VAT1L: variants seen among roughly 807,000 people sequenced by gnomAD.
The protein encoded by VAT1L is putative NADPH-dependent quinone oxidoreductase VAT1L.
Under a neutral mutation model 44.1 loss-of-function variants are expected in VAT1L, and 34 were observed. The observed-to-expected ratio is 0.77, with a 90% CI of 0.59 to 1.03. The LOEUF (loss-of-function observed/expected upper bound fraction) is 1.03. VAT1L is among the 50% of genes least tolerant of loss of function. The pLI, the probability that VAT1L is intolerant of heterozygous loss-of-function variation, is 0.00. For missense variants in VAT1L, 615 were observed against 538.8 expected (o/e 1.14, Z -1.40); for synonymous variants, 253 against 202.2 (o/e 1.25, Z -2.13).
At chr16:77,905,048 C>T (rs2017424562) in intron 7 of VAT1L, among the ~76,000 whole-genome samples, 1 of 152,104 alleles carries the variant, frequency 6.6e-6, no homozygotes, top group Non-Finnish European at 1.5e-5. Context: ...GAGAGAGGTT[C>T]CTAGGAAATA....
intron 3 of VAT1L, among the ~76,000 whole-genome samples, chr16:77,837,867 T>C (rs1275662874): frequency 2.0e-5 from 3 of 152,244 alleles, no homozygotes; most frequent in African/African-American, 7.2e-5. Flanking sequence ...AAATGTTAGC[T>C]GCTATTATTC....
chr16:77,840,654 A>G (rs1449828846), intron 3 of VAT1L, among the ~76,000 whole-genome samples: 1 of 152,224 alleles, frequency 6.6e-6, no homozygotes. Context: ...TGTAAAATAC[A>G]CAGCAACTTA....
chr16:77,944,812 C>G (rs2017938955), intron 7 of VAT1L, among the ~76,000 whole-genome samples: 1 of 152,070 alleles, frequency 6.6e-6, no homozygotes, highest in Non-Finnish European at 1.5e-5. Flanking sequence ...ATGTACCTGT[C>G]TCTTCTCTGT....
In VAT1L at chr16:77,884,796, G is replaced by A; in HGVS notation, c.1071G>A (p.Leu357=). ...IKPVVDSLWA[L]EEVKEAMQRI... is the part of the protein sequence containing the mutation. ...CTGTGGTGGACTCCTTGTGGGCTCT[G>A]GAGGAGGTAAGAATGGTGCTTTTCT... The change falls in exon 7 of 9, where the codon CTG becomes CTA. Residue 357 remains leucine, a synonymous_variant. Coordinates refer to ENST00000302536, the MANE Select transcript of VAT1L (RefSeq NM_020927.3). This position sits in a 1 kb window ranked among gnomAD's most constrained non-coding sequence, Gnocchi z 4.5. The A allele has an allele frequency of 6.7e-7, 1 of 1,498,224 alleles. No individual in the cohort carries two copies. Among genetic ancestry groups the A allele is most frequent in the Non-Finnish European group, 8.9e-7 (1 of 1,127,948 alleles). 92.8% of individuals were successfully genotyped at this position (1,498,224 alleles called of 1,614,324 possible). A position where few individuals can be genotyped will look rare whatever the true frequency, so the allele number is the denominator to read the frequency against.
At chr16:77,889,064 C>T (rs1329502632) in intron 7 of VAT1L, among the ~76,000 whole-genome samples, 1 of 152,176 alleles carries the variant, frequency 6.6e-6, no homozygotes, top group East Asian at 1.9e-4. Context: ...GAGAGTGTAA[C>T]ATGCTTATTA....
chr16:77,900,087 G>C (rs2017364398), intron 7 of VAT1L, among the ~76,000 whole-genome samples: 1 of 152,164 alleles, frequency 6.6e-6, no homozygotes, highest in Non-Finnish European at 1.5e-5. Flanking sequence ...GCATTTACTT[G>C]CCTTTGTGGG....
chr16:77,910,262 G>A (rs1378153751), intron 7 of VAT1L, among the ~76,000 whole-genome samples: 2 of 152,140 alleles, frequency 1.3e-5, no homozygotes, highest in East Asian at 1.9e-4. Context: ...TCTTTTTCTC[G>A]TGAAGGGACA....
At chr16:77,925,496 C>T (rs986501565) in intron 7 of VAT1L, among the ~76,000 whole-genome samples, 1 of 152,104 alleles carries the variant, frequency 6.6e-6, no homozygotes, top group South Asian at 2.1e-4. Context: ...TATGCAATGG[C>T]GCTTCAATCA....
rs971704141 is a variant in VAT1L, at chr16:77,788,838, G to T, written c.156G>T (p.Gly52=). 1 of 1,579,204 alleles carries T rather than the reference G, an allele frequency of 6.3e-7. No individual in the cohort carries two copies. The highest frequency in any genetic ancestry group is 8.6e-7 in the Non-Finnish European group (1 of 1,163,896). Residue 52 remains glycine (G), a synonymous_variant, in exon 1 of 9, where the codon GGG becomes GGT. Coordinates refer to ENST00000302536, the MANE Select transcript of VAT1L (RefSeq NM_020927.3). Reference sequence around the variant, plus strand: ...CGGTGGTGCTGGCTGGCTTCGGGGGGCTCAACAAGCTGCGGCTCTTCAGGA... The same window carrying T: ...CGGTGGTGCTGGCTGGCTTCGGGGGTCTCAACAAGCTGCGGCTCTTCAGGA... ...MRAVVLAGFG[G]LNKLRLFRKA...
At chr16:77,861,515 TATA>T (rs2016913969) in intron 3 of VAT1L, among the ~76,000 whole-genome samples, 1 of 152,268 alleles carries the variant, frequency 6.6e-6, no homozygotes, top group Non-Finnish European at 1.5e-5. Flanking sequence ...CGGCAATGGA[TATA>T]ATAAGCCCCT....
chr16:77,951,981 C>T (rs1050641951), intron 7 of VAT1L, among the ~76,000 whole-genome samples: 4 of 152,052 alleles, frequency 2.6e-5, no homozygotes, highest in Admixed American at 2.6e-4. Flanking sequence ...GTGGCAAAGT[C>T]CTAAAGGACG....
At chr16:77,938,629 C>A (rs2017834746) in intron 7 of VAT1L, among the ~76,000 whole-genome samples, 1 of 152,134 alleles carries the variant, frequency 6.6e-6, no homozygotes, top group Non-Finnish European at 1.5e-5. Flanking sequence ...TGCCTGCTTC[C>A]CCTTTACCTT....
chr16:77,853,153 G>A (rs532041906), intron 3 of VAT1L, among the ~76,000 whole-genome samples: 19 of 152,332 alleles, frequency 1.2e-4, no homozygotes, highest in Middle Eastern at 3.4e-3. Flanking sequence ...AGCTGTGACA[G>A]GCTAGGAAAA....
intron 7 of VAT1L, among the ~76,000 whole-genome samples, chr16:77,935,558 C>T (rs1367983641): frequency 2.8e-5 from 4 of 141,870 alleles, no homozygotes; most frequent in African/African-American, 7.9e-5. Flanking sequence ...GAGATGGGGG[C>T]GGTGGCGGGG....
At chr16:77,834,461 G>A (rs1043494030) in intron 3 of VAT1L, among the ~76,000 whole-genome samples, 6 of 152,238 alleles carry the variant, frequency 3.9e-5, no homozygotes, top group South Asian at 4.2e-4. Flanking sequence ...AGAGGTATGC[G>A]ATGCACATCA....
In VAT1L at chr16:77,975,790, G is replaced by A. The variant is rs563912247; in HGVS notation, c.1162-1807G>A. On this transcript the variant is annotated intron_variant, in intron 8 of 8. Transcript: ENST00000302536. ...AGGTCAGAGCAGAGGCAGAACTGCT[G>A]CCTCCAGACCCCACAGTACCAGCGG... is the stretch of plus-strand genomic sequence containing the variant. Among the ~76,000 whole-genome samples the A allele has an allele frequency of 7.7e-4, 117 of 152,322 alleles. 1 individual carries two copies. The highest frequency in any genetic ancestry group is 2.6e-3 in the African/African-American group (109 of 41,570).
At chr16:77,897,451 G>T (rs2017336061) in intron 7 of VAT1L, among the ~76,000 whole-genome samples, 1 of 152,044 alleles carries the variant, frequency 6.6e-6, no homozygotes, top group Non-Finnish European at 1.5e-5. Flanking sequence ...GCAAATTCTT[G>T]GTCCAAAAAA....
At chr16:77,977,569 C>G in intron 8 of VAT1L, 28 bp from the exon 9 acceptor site, 1 of 1,610,758 alleles carries the variant, frequency 6.2e-7, no homozygotes, top group South Asian at 1.1e-5. Context: ...TTGCACAACC[C>G]TCAATAACAT....
chr16:77,875,832 G>C (rs1461131566), intron 4 of VAT1L, among the ~76,000 whole-genome samples: 1 of 152,168 alleles, frequency 6.6e-6, no homozygotes. Context: ...TCACTGTAAA[G>C]GGAGGTTAGG....
Sources: gnomAD v4.1 joint callset for allele counts (sites outside exome capture counted in the v4.1 genomes callset) on GRCh38, gnomAD v4.1.1 for gene constraint, Gnocchi (gnomAD v3.1) non-coding constraint, MANE v1.5 for transcripts, NCBI Gene and HGNC (gene_info 2026-07-23, HGNC 2026-07-21) for gene names.